Variants in PTPRR observed in about 807,000 individuals in gnomAD.
PTPRR encodes the protein protein tyrosine phosphatase receptor type R, also known as receptor-type tyrosine-protein phosphatase R.
A neutral mutation model predicts 77.2 loss-of-function variants in PTPRR; 38 were observed. That is an observed-to-expected ratio of 0.49 (90% CI 0.38 to 0.65). The LOEUF is 0.65. PTPRR is among the 30% of genes least tolerant of loss of function. The pLI is 0.00. For synonymous variants in PTPRR, 299 were observed against 283.1 expected, an observed-to-expected ratio of 1.06 and a Z score of -0.57; for missense variants, 744 against 799.2, an observed-to-expected ratio of 0.93 and a Z score of 0.83.
intron 2 of PTPRR, among the ~76,000 whole-genome samples, chr12:70,841,974 C>T (rs1452114733): frequency 3.3e-5 from 5 of 152,116 alleles, no homozygotes; most frequent in Admixed American, 6.6e-5. Context: ...ATATCAGCAC[C>T]AGGTCCCATA....
At chr12:70,697,892 C>T (rs953729452) in intron 8 of PTPRR, among the ~76,000 whole-genome samples, 3 of 151,972 alleles carry the variant, frequency 2.0e-5, no homozygotes, top group African/African-American at 7.3e-5. Context: ...GGAATTGTGA[C>T]CTGGACATTA....
intron 2 of PTPRR, among the ~76,000 whole-genome samples, chr12:70,863,325 T>TTCAACAATC (rs1292355293): frequency 2.0e-5 from 3 of 152,166 alleles, no homozygotes; most frequent in Non-Finnish European, 4.4e-5. Flanking sequence ...ATTTACTTTT[T>TTCAACAATC]TCAACAATCT....
intron 2 of PTPRR, among the ~76,000 whole-genome samples, chr12:70,773,906 A>C (rs1201827371): frequency 6.6e-6 from 1 of 152,242 alleles, no homozygotes; most frequent in Non-Finnish European, 1.5e-5. Context: ...ACCTTAAAGG[A>C]CAAGTAGGAT....
In PTPRR at chr12:70,892,469, G is replaced by A. The variant is rs139477137; in HGVS notation, c.357+210C>T. ...TGTACCATGCATTCTGCTATGAGCG[G>A]AGGATACAGACAAGTTTTCTGATTT... is the stretch of plus-strand genomic sequence containing the variant. On this transcript the variant is annotated intron_variant, in intron 2 of 13. Transcript: ENST00000283228. Among the ~76,000 whole-genome samples the A allele has an allele frequency of 6.2e-3, 949 of 152,134 alleles. 7 individuals carry two copies. The highest frequency in any genetic ancestry group is 8.8e-3 in the Non-Finnish European group (599 of 67,952).
At chr12:70,878,129 C>T (rs1197201768) in intron 2 of PTPRR, among the ~76,000 whole-genome samples, 1 of 152,134 alleles carries the variant, frequency 6.6e-6, no homozygotes, top group Non-Finnish European at 1.5e-5. Context: ...ACATGTTAGA[C>T]CTAAAACCAT....
rs369037995 is a variant in PTPRR, at chr12:70,831,783, G to A, written c.357+60896C>T. Among the ~76,000 whole-genome samples the A allele has an allele frequency of 1.3e-4, 20 of 152,168 alleles. No homozygotes were observed. In the East Asian group the frequency reaches 3.1e-3, roughly 24 times the overall value. On this transcript the variant is annotated intron_variant, in intron 2 of 13. Transcript: ENST00000283228. The stretch of plus-strand genomic sequence containing the variant: ...TTTCCTATCTCAAGTCATATTTATA[G>A]CCTCTGACTCATCCTCATTACTCCT...
At chr12:70,741,893 T>C (rs1163682271) in intron 6 of PTPRR, among the ~76,000 whole-genome samples, 9 of 152,188 alleles carry the variant, frequency 5.9e-5, no homozygotes, top group Admixed American at 3.3e-4. Flanking sequence ...TGGGGGATCA[T>C]GCCTTAGATA....
At chr12:70,700,260 C>T (rs143939452) in intron 7 of PTPRR, among the ~76,000 whole-genome samples, 148 of 152,296 alleles carry the variant, frequency 9.7e-4, no homozygotes, top group African/African-American at 3.3e-3. Flanking sequence ...TCAACCAATA[C>T]GGCTTAAGAT....
At chr12:70,744,082 G>T (rs755890994) in intron 6 of PTPRR, among the ~76,000 whole-genome samples, 1 of 152,126 alleles carries the variant, frequency 6.6e-6, no homozygotes, top group Non-Finnish European at 1.5e-5. Flanking sequence ...GTGCTTCAAA[G>T]TTCCTCTTTG....
chr12:70,861,519 G>C (rs1171412046), intron 2 of PTPRR, among the ~76,000 whole-genome samples: 3 of 152,120 alleles, frequency 2.0e-5, no homozygotes, highest in Non-Finnish European at 4.4e-5. Context: ...AAAAGCGTAA[G>C]AAGGATGGGC....
chr12:70,808,098 A>C (rs550972450), intron 2 of PTPRR, among the ~76,000 whole-genome samples: 25 of 152,042 alleles, frequency 1.6e-4, no homozygotes, highest in Non-Finnish European at 3.2e-4. Context: ...GGCCTCTGAA[A>C]TGGCCACCCT....
At chr12:70,785,518 A>G (rs1891302872) in intron 2 of PTPRR, among the ~76,000 whole-genome samples, 1 of 152,174 alleles carries the variant, frequency 6.6e-6, no homozygotes, top group Admixed American at 6.5e-5. Flanking sequence ...GTAAGCCCCT[A>G]TCCTTATAAG....
intron 2 of PTPRR, among the ~76,000 whole-genome samples, chr12:70,784,749 T>C (rs190514384): frequency 3.9e-5 from 6 of 152,388 alleles, no homozygotes; most frequent in African/African-American, 1.2e-4. Flanking sequence ...ATGAATAGTT[T>C]AGTGACTTGC....
chr12:70,838,919 C>T (rs1205937620), intron 2 of PTPRR, among the ~76,000 whole-genome samples: 1 of 152,098 alleles, frequency 6.6e-6, no homozygotes, highest in East Asian at 1.9e-4. Context: ...TTCCAAGTGT[C>T]CACTGAACAT....
chr12:70,851,652 C>T (rs1892573835), intron 2 of PTPRR, among the ~76,000 whole-genome samples: 1 of 152,178 alleles, frequency 6.6e-6, no homozygotes, highest in Non-Finnish European at 1.5e-5. Flanking sequence ...GCACACAATA[C>T]TTGCTAGTAT....
At chr12:70,856,222 G>A (rs1228899189) in intron 2 of PTPRR, among the ~76,000 whole-genome samples, 1 of 152,102 alleles carries the variant, frequency 6.6e-6, no homozygotes, top group African/African-American at 2.4e-5. Flanking sequence ...TATAACCCCT[G>A]CATCTAATTA....
At chr12:70,883,877 T>C (rs1893190612) in intron 2 of PTPRR, among the ~76,000 whole-genome samples, 1 of 152,206 alleles carries the variant, frequency 6.6e-6, no homozygotes, top group Admixed American at 6.5e-5. Context: ...TTTCCATCTG[T>C]TCCTTCTCTG....
chr12:70,800,097 G>A lies in PTPRR; in HGVS notation c.358-35319C>T, dbSNP rs1483805689. On this transcript the variant is annotated intron_variant, in intron 2 of 13. Coordinates refer to ENST00000283228, the MANE Select transcript of PTPRR (RefSeq NM_002849.4). ...GAAGGCACTTGAGACTGTAATGAAT[G>A]TGGGCACATACATTAGTTTGGCTAT... Among the ~76,000 whole-genome samples the A allele has an allele frequency of 2.7e-4, 41 of 152,118 alleles. 1 individual carries two copies. The highest frequency in any genetic ancestry group is 4.4e-5 in the Non-Finnish European group (3 of 68,030).
chr12:70,729,921 C>T (rs562098095), intron 6 of PTPRR, among the ~76,000 whole-genome samples: 78 of 147,748 alleles, frequency 5.3e-4, no homozygotes, highest in African/African-American at 1.7e-3. Context: ...AGGATTTTGA[C>T]GTTCTAATGT....
Sources: gnomAD v4.1 joint callset for allele counts (sites outside exome capture counted in the v4.1 genomes callset) on GRCh38, gnomAD v4.1.1 for gene constraint, MANE v1.5 for transcripts, NCBI Gene and HGNC (gene_info 2026-07-23, HGNC 2026-07-21) for gene names.